Variants in EXOC2 observed in about 807,000 individuals in gnomAD.
EXOC2 encodes the protein SEC5-like 1.
A neutral mutation model predicts 131.8 loss-of-function variants in EXOC2; 70 were observed. That is an observed-to-expected ratio of 0.53 (90% confidence interval 0.44 to 0.65). The LOEUF (loss-of-function observed/expected upper bound fraction) is 0.65, where lower values mean the gene tolerates loss of function less well. Among genes scored for constraint, EXOC2 ranks in the 30% least tolerant of loss-of-function variants. The pLI is 0.00. For synonymous variants in EXOC2, 411 were observed against 398.4 expected (o/e 1.03, Z -0.38); for missense variants, 923 against 1,108.6 (o/e 0.83, Z 2.38).
At chr6:651,886 C>T (rs192024712) in intron 1 of EXOC2, among the ~76,000 whole-genome samples, 52 of 151,470 alleles carry the variant, frequency 3.4e-4, no homozygotes, top group African/African-American at 1.2e-3. Flanking sequence ...TGAAACCCCA[C>T]CTCTACTAAA....
At chr6:613,443 AAAAG>A (rs986745325) in intron 6 of EXOC2, among the ~76,000 whole-genome samples, 14 of 151,770 alleles carry the variant, frequency 9.2e-5, no homozygotes, top group African/African-American at 2.2e-4. Flanking sequence ...TGATGTAAAA[AAAAG>A]AAAGAAAGAA....
chr6:597,321 C>T (rs1310906157), intron 10 of EXOC2, among the ~76,000 whole-genome samples: 2 of 151,868 alleles, frequency 1.3e-5, no homozygotes, highest in Admixed American at 6.6e-5. Context: ...GGATTACAGG[C>T]GCACATCACC....
At chr6:672,718 A>G (rs1309344138) in intron 1 of EXOC2, among the ~76,000 whole-genome samples, 1 of 152,038 alleles carries the variant, frequency 6.6e-6, no homozygotes, top group Non-Finnish European at 1.5e-5. Flanking sequence ...TGTGGCCTCA[A>G]TTTTCTGAGG....
chr6:687,118 C>T (rs1215271465), intron 1 of EXOC2, among the ~76,000 whole-genome samples: 1 of 147,484 alleles, frequency 6.8e-6, no homozygotes, highest in African/African-American at 2.5e-5. Context: ...TTTATTTTCC[C>T]AGAAAGACAG....
intron 1 of EXOC2, chr6:656,810 A>G (rs61748571): frequency 0.058 from 93,654 of 1,607,396 alleles, 3,806 homozygotes; most frequent in South Asian, 0.16. Flanking sequence ...GGCCGCCGGA[A>G]CCCGCGGGGC....
chr6:619,583 T>C, intron 4 of EXOC2, 40 bp from the exon 5 acceptor site: 2 of 1,444,198 alleles, frequency 1.4e-6, no homozygotes, highest in South Asian at 1.2e-5. Flanking sequence ...TCAATGGTTA[T>C]TATGACAAAA....
At chr6:678,704 G>C (rs575196720) in intron 1 of EXOC2, among the ~76,000 whole-genome samples, 1 of 152,184 alleles carries the variant, frequency 6.6e-6, no homozygotes, top group Non-Finnish European at 1.5e-5. Flanking sequence ...TGGGGCTCCA[G>C]GGCAACAGGG....
chr6:488,161 TCTG>T (rs1561766992), intron 27 of EXOC2, among the ~76,000 whole-genome samples: 2 of 152,314 alleles, frequency 1.3e-5, no homozygotes, highest in South Asian at 2.1e-4. Context: ...GAAGGGCTGG[TCTG>T]CTGCCTGCTC....
chr6:591,937 G>C (rs185631663), intron 11 of EXOC2, among the ~76,000 whole-genome samples: 1 of 152,216 alleles, frequency 6.6e-6, no homozygotes, highest in Non-Finnish European at 1.5e-5. Flanking sequence ...CTAATACGGA[G>C]GCTTCTCTGA....
At chr6:529,777 T>C (rs1446873638) in intron 23 of EXOC2, among the ~76,000 whole-genome samples, 3 of 152,202 alleles carry the variant, frequency 2.0e-5, no homozygotes, top group Non-Finnish European at 4.4e-5. Context: ...AAGTAATACA[T>C]TGTTCAGTAA....
At chr6:683,274 GA>G (rs1253171371) in intron 1 of EXOC2, among the ~76,000 whole-genome samples, 10 of 152,136 alleles carry the variant, frequency 6.6e-5, no homozygotes, top group African/African-American at 2.4e-4. Flanking sequence ...AATCCCAAGT[GA>G]TATCAAGAGT....
intron 11 of EXOC2, among the ~76,000 whole-genome samples, chr6:587,673 T>C (rs1183117823): frequency 6.6e-6 from 1 of 152,228 alleles, no homozygotes; most frequent in Non-Finnish European, 1.5e-5. Context: ...GAATCCTCCT[T>C]CCATCCGAGG....
At chr6:607,852 T>C (rs1760502189) in intron 7 of EXOC2, among the ~76,000 whole-genome samples, 1 of 152,204 alleles carries the variant, frequency 6.6e-6, no homozygotes. Context: ...CAAAAAACAA[T>C]TTCTTTTTTT....
chr6:686,037 C>T (rs1324301622), intron 1 of EXOC2, among the ~76,000 whole-genome samples: 2 of 148,838 alleles, frequency 1.3e-5, no homozygotes, highest in African/African-American at 4.9e-5. Flanking sequence ...GTGGGGCTCA[C>T]TGCAACCTCC....
chr6:630,577 A>ATAAG (rs1464764135), intron 3 of EXOC2, among the ~76,000 whole-genome samples: 1 of 152,272 alleles, frequency 6.6e-6, no homozygotes, highest in Non-Finnish European at 1.5e-5. Flanking sequence ...AGGACATTTC[A>ATAAG]CTACAAATGA....
chr6:560,063 G>C (rs1001842204), intron 17 of EXOC2, among the ~76,000 whole-genome samples: 1 of 152,110 alleles, frequency 6.6e-6, no homozygotes, highest in Non-Finnish European at 1.5e-5. Context: ...CATTAGGATA[G>C]GTCTATAGAA....
chr6:499,408 T>G (rs879374067), intron 24 of EXOC2, among the ~76,000 whole-genome samples: 1 of 143,992 alleles, frequency 6.9e-6, no homozygotes, highest in East Asian at 2.1e-4. Flanking sequence ...AACATACAAT[T>G]TCAGAGAAAG....
intron 11 of EXOC2, among the ~76,000 whole-genome samples, chr6:585,210 A>G (rs369709107): frequency 3.2e-4 from 49 of 152,330 alleles, no homozygotes; most frequent in African/African-American, 1.1e-3. Flanking sequence ...AGGTTTCAAG[A>G]TGAGTTTTTA....
At chr6:689,448 A>T (rs1443212202) in intron 1 of EXOC2, among the ~76,000 whole-genome samples, 1 of 152,216 alleles carries the variant, frequency 6.6e-6, no homozygotes, top group Non-Finnish European at 1.5e-5. Context: ...CCCATAATCC[A>T]AAATGCACTC....
Sources: gnomAD v4.1 joint callset for allele counts (sites outside exome capture counted in the v4.1 genomes callset) on GRCh38, gnomAD v4.1.1 for gene constraint, MANE v1.5 for transcripts, NCBI Gene and HGNC (gene_info 2026-07-23, HGNC 2026-07-21) for gene names.